Variants in ST7 observed in about 807,000 individuals in gnomAD.
The protein encoded by ST7 is suppression of tumorigenicity 7.
Under a neutral mutation model 78.7 loss-of-function variants are expected in ST7, and 28 were observed. The ratio of observed to expected loss-of-function variants is 0.36; its 90% CI spans 0.26 to 0.49. The LOEUF (loss-of-function observed/expected upper bound fraction) is 0.49. Ranked by LOEUF, ST7 falls within the 20% of genes least tolerant of loss-of-function variation. The pLI is 0.99. For synonymous variants in ST7, 247 were observed against 249.6 expected (o/e 0.99, Z 0.10); for missense variants, 418 against 696.0 (o/e 0.60, Z 4.49).
rs144972398 is a variant in ST7 at position 116,953,557 on chromosome 7, C to G, written c.17C>G (p.Thr6Arg). Residue 6 changes from threonine to arginine, a missense_variant, in exon 1 of 16, where the codon ACG becomes AGG. Physicochemically the swap from Thr to Arg is moderately conservative, Grantham distance 71. Coordinates refer to ENST00000323984, the MANE Select transcript of ST7 (RefSeq NM_001369598.1). MAEAA[T>R]GFLEQLKSCI... is the part of the protein sequence containing the mutation. ...CGCTGAAACATGGCTGAAGCGGCCA[C>G]GGGCTTTCTGGAGCAGCTCAAGTCC... 663 of 1,440,272 alleles carry G rather than the reference C, an allele frequency of 4.6e-4. No individual in the cohort carries two copies. Among genetic ancestry groups the G allele is most frequent in the Non-Finnish European group, 6.0e-4 (646 of 1,076,602 alleles). The allele number at this position is 1,440,272 out of a possible 1,614,324, so 89.2% of individuals were successfully genotyped here.
intron 1 of ST7, among the ~76,000 whole-genome samples, chr7:117,027,355 G>T (rs6963873): frequency 6.6e-6 from 1 of 151,976 alleles, no homozygotes; most frequent in Admixed American, 6.6e-5. Flanking sequence ...AAGGAGAATC[G>T]CTTGAACCCA....
At chr7:117,178,885 A>G (rs1366257300) in intron 10 of ST7, among the ~76,000 whole-genome samples, 1 of 152,218 alleles carries the variant, frequency 6.6e-6, no homozygotes, top group Non-Finnish European at 1.5e-5. Context: ...TGACTTTTGA[A>G]AATTCAAGAG....
rs115259536 is a variant in ST7, at chr7:117,199,612, A to G, written c.1254+8676A>G. Among the ~76,000 whole-genome samples, 1,148 of 152,306 alleles carry G rather than the reference A, an allele frequency of 7.5e-3. 13 individuals are homozygous for G. The highest frequency in any genetic ancestry group is 0.025 in the African/African-American group (1,050 of 41,562). Reference sequence around the variant, plus strand: ...CTTCTCTAGTCTCCAAAGGTGTACAATTCTGAAGCAGAGTCCTCTTTTCCC... The same window carrying G: ...CTTCTCTAGTCTCCAAAGGTGTACAGTTCTGAAGCAGAGTCCTCTTTTCCC... On this transcript the variant is annotated intron_variant, in intron 12 of 15. Transcript: ENST00000323984.
chr7:117,026,325 G>A (rs1796180126), intron 1 of ST7, among the ~76,000 whole-genome samples: 1 of 152,188 alleles, frequency 6.6e-6, no homozygotes, highest in Non-Finnish European at 1.5e-5. Context: ...ACTATAAATT[G>A]TATAGTCATT....
At chr7:117,022,520 TC>T (rs1176224529) in intron 1 of ST7, among the ~76,000 whole-genome samples, 1 of 152,236 alleles carries the variant, frequency 6.6e-6, no homozygotes, top group Non-Finnish European at 1.5e-5. Context: ...GACATAGCTT[TC>T]TTGGCCTTTG....
At chr7:116,970,831 T>C (rs1237590990) in intron 1 of ST7, among the ~76,000 whole-genome samples, 1 of 152,220 alleles carries the variant, frequency 6.6e-6, no homozygotes, top group East Asian at 1.9e-4. Context: ...GTGTTCTATA[T>C]CAATTATTTT....
intron 1 of ST7, among the ~76,000 whole-genome samples, chr7:116,963,028 G>A (rs368652220): frequency 6.6e-6 from 1 of 152,088 alleles, no homozygotes; most frequent in African/African-American, 2.4e-5. Context: ...TAAATCTGAG[G>A]CATTATAGTA....
intron 9 of ST7, among the ~76,000 whole-genome samples, chr7:117,158,916 T>C (rs894556769): frequency 2.0e-5 from 3 of 152,222 alleles, no homozygotes; most frequent in African/African-American, 7.2e-5. Flanking sequence ...TCTTTGAATA[T>C]GATACAGGCC....
chr7:117,024,594 A>T (rs1018841832), intron 1 of ST7, among the ~76,000 whole-genome samples: 12 of 152,166 alleles, frequency 7.9e-5, no homozygotes, highest in African/African-American at 2.9e-4. Flanking sequence ...TTCTTCCAAA[A>T]TTTTTTGTAT....
At position 117,066,665 on chromosome 7, in the gene ST7, G is replaced by A. The variant is rs190557303; in HGVS notation, c.152-33097G>A. The stretch of plus-strand genomic sequence containing the variant: ...AGCCCCAGCTACTCGGGAGGCTGAG[G>A]CAGGAGAATCGCTTGAACCTGGAAG... On this transcript the variant is annotated intron_variant, in intron 1 of 15. Coordinates refer to ENST00000323984, the MANE Select transcript of ST7 (RefSeq NM_001369598.1). Among the ~76,000 whole-genome samples the A allele has an allele frequency of 1.3e-4, 20 of 151,338 alleles. No homozygotes were observed. In the East Asian group the frequency reaches 3.9e-3, roughly 30 times the overall value.
At chr7:117,171,201 C>T (rs1018030620) in intron 10 of ST7, among the ~76,000 whole-genome samples, 15 of 152,160 alleles carry the variant, frequency 9.9e-5, no homozygotes, top group African/African-American at 2.7e-4. Context: ...TCCTTCCCTC[C>T]GTACAGGCTC....
chr7:117,183,615 G>A (rs1362796427), intron 10 of ST7, among the ~76,000 whole-genome samples: 1 of 151,988 alleles, frequency 6.6e-6, no homozygotes, highest in African/African-American at 2.4e-5. Flanking sequence ...CTGCCCTCCA[G>A]CCCAGCAGTA....
intron 1 of ST7, among the ~76,000 whole-genome samples, chr7:116,975,298 C>T (rs1193803097): frequency 6.6e-6 from 1 of 152,156 alleles, no homozygotes; most frequent in Admixed American, 6.5e-5. Context: ...ATTCAATTAC[C>T]TCCCACTAAG....
intron 1 of ST7, among the ~76,000 whole-genome samples, chr7:117,095,053 G>T (rs936129300): frequency 6.6e-6 from 1 of 152,054 alleles, no homozygotes; most frequent in African/African-American, 2.4e-5. Context: ...TACCTCCAAG[G>T]CATTAATGCT....
chr7:117,011,420 T>C (rs1267329760), intron 1 of ST7, among the ~76,000 whole-genome samples: 1 of 152,114 alleles, frequency 6.6e-6, no homozygotes. Flanking sequence ...CTGACTGTAA[T>C]TGGTTTAAAG....
chr7:117,103,913 A>T (rs1801755078), intron 2 of ST7, among the ~76,000 whole-genome samples: 1 of 152,228 alleles, frequency 6.6e-6, no homozygotes, highest in African/African-American at 2.4e-5. Context: ...AAATAATCCA[A>T]TTATAAAATG....
chr7:117,075,013 T>G (rs1225929026), intron 1 of ST7, among the ~76,000 whole-genome samples: 2 of 152,228 alleles, frequency 1.3e-5, no homozygotes. Context: ...TGTTCATTCT[T>G]TCTAGCTTAA....
intron 12 of ST7, 143 bp downstream of exon 12, chr7:117,191,079 A>G (rs1054007794): frequency 1.5e-5 from 10 of 658,850 alleles, no homozygotes; most frequent in Non-Finnish European, 2.3e-5. Flanking sequence ...ATGTATGGGC[A>G]TTAGCCTCAT....
chr7:117,229,445 C>T (rs558008141), intron 15 of ST7, among the ~76,000 whole-genome samples: 184 of 152,348 alleles, frequency 1.2e-3, no homozygotes, highest in Admixed American at 2.0e-3. Context: ...TCCTGTTTGA[C>T]GACACCAGTC....
Sources: gnomAD v4.1 joint callset for allele counts (sites outside exome capture counted in the v4.1 genomes callset) on GRCh38, gnomAD v4.1.1 for gene constraint, MANE v1.5 for transcripts, NCBI Gene and HGNC (gene_info 2026-07-23, HGNC 2026-07-21) for gene names.